Variants in NAALADL2 observed in about 807,000 individuals in gnomAD.
The protein encoded by NAALADL2 is N-acetylated alpha-linked acidic dipeptidase like 2.
NAALADL2 carries 76 observed loss-of-function variants against 87.2 expected under a neutral mutation model. That is an observed-to-expected ratio of 0.87 (90% confidence interval 0.72 to 1.05). The LOEUF (loss-of-function observed/expected upper bound fraction) is 1.05, where lower values mean the gene tolerates loss of function less well. NAALADL2 is among the 50% of genes least tolerant of loss of function. The probability of loss-of-function intolerance (pLI) is 0.00; values close to 1 mark genes in which losing one functional copy is unlikely to be tolerated. For synonymous variants in NAALADL2, 354 were observed against 331.0 expected (o/e 1.07, Z -0.75); for missense variants, 1,089 against 945.8 (o/e 1.15, Z -1.99).
At chr3:175,045,895 A>G (rs1754607105) in intron 1 of NAALADL2, among the ~76,000 whole-genome samples, 1 of 152,128 alleles carries the variant, frequency 6.6e-6, no homozygotes, top group African/African-American at 2.4e-5. Context: ...TTACTATTCG[A>G]GTATTCTTGG....
At chr3:175,118,094 A>G (rs145474909) in intron 2 of NAALADL2, among the ~76,000 whole-genome samples, 1 of 144,662 alleles carries the variant, frequency 6.9e-6, no homozygotes, top group Non-Finnish European at 1.5e-5. Flanking sequence ...GATGGGGAAC[A>G]TCACACACTG....
intron 3 of NAALADL2, among the ~76,000 whole-genome samples, chr3:174,748,004 C>T (rs1425528318): frequency 6.6e-6 from 1 of 152,098 alleles, no homozygotes; most frequent in Non-Finnish European, 1.5e-5. Flanking sequence ...AGATAATGTT[C>T]TTTGCAAGGA....
intron 1 of NAALADL2, among the ~76,000 whole-genome samples, chr3:175,066,536 G>C (rs944117168): frequency 6.6e-6 from 1 of 152,094 alleles, no homozygotes; most frequent in Non-Finnish European, 1.5e-5. Context: ...GCTTGTAACT[G>C]GAAAAGAGGG....
intron 2 of NAALADL2, among the ~76,000 whole-genome samples, chr3:174,563,184 T>C (rs1713833765): frequency 6.6e-6 from 1 of 151,884 alleles, no homozygotes; most frequent in African/African-American, 2.4e-5. Context: ...GATGAGTTTC[T>C]TGTTTATAAA....
At chr3:175,213,796 T>C (rs537807159) in intron 2 of NAALADL2, among the ~76,000 whole-genome samples, 42 of 152,098 alleles carry the variant, frequency 2.8e-4, no homozygotes, top group Non-Finnish European at 4.3e-4. Context: ...CCCACAATCA[T>C]TTAGTTAGTA....
At chr3:175,423,441 G>A (rs1318865644) in intron 5 of NAALADL2, among the ~76,000 whole-genome samples, 3 of 91,648 alleles carry the variant, frequency 3.3e-5, no homozygotes, top group Non-Finnish European at 6.0e-5. Context: ...AACAGGCCCC[G>A]GTGTGTGATG....
At chr3:175,282,911 C>CTT (rs77457477) in intron 4 of NAALADL2, among the ~76,000 whole-genome samples, 10,288 of 137,154 alleles carry the variant, frequency 0.075, 1,175 homozygotes, top group African/African-American at 0.26. Context: ...TTTCTGTCTT[C>CTT]TTTTTTTTTT....
chr3:175,074,125 A>G (rs11917725), intron 1 of NAALADL2, among the ~76,000 whole-genome samples: 30,772 of 151,856 alleles, frequency 0.2, 5,035 homozygotes, highest in African/African-American at 0.45. Context: ...TAGGTTCTCA[A>G]TAGCTGTTAA....
chr3:174,876,063 A>G (rs1728465092), intron 1 of NAALADL2, among the ~76,000 whole-genome samples: 1 of 152,142 alleles, frequency 6.6e-6, no homozygotes, highest in African/African-American at 2.4e-5. Flanking sequence ...GTTTATTTCC[A>G]TCATATCTAC....
chr3:174,947,765 CAT>C (rs1180574201), intron 1 of NAALADL2, among the ~76,000 whole-genome samples: 1 of 151,982 alleles, frequency 6.6e-6, no homozygotes, highest in Non-Finnish European at 1.5e-5. Context: ...TATACACACA[CAT>C]ACACATATGT....
intron 2 of NAALADL2, among the ~76,000 whole-genome samples, chr3:175,144,146 T>C (rs1394099338): frequency 1.3e-5 from 2 of 151,920 alleles, no homozygotes; most frequent in Admixed American, 1.3e-4. Flanking sequence ...TAAAGATGGC[T>C]ATAAAACACT....
intron 5 of NAALADL2, among the ~76,000 whole-genome samples, chr3:175,350,275 A>T (rs1440470027): frequency 6.6e-6 from 1 of 152,186 alleles, no homozygotes; most frequent in Admixed American, 6.6e-5. Context: ...CTCCTGTTGC[A>T]AACAATTTAT....
intron 9 of NAALADL2, among the ~76,000 whole-genome samples, chr3:175,531,999 A>G (rs1294504869): frequency 6.6e-6 from 1 of 152,176 alleles, no homozygotes; most frequent in Non-Finnish European, 1.5e-5. Flanking sequence ...GCAGCTCTAA[A>G]GGCTTCCATT....
At chr3:175,642,072 C>A (rs898784749) in intron 11 of NAALADL2, among the ~76,000 whole-genome samples, 1 of 152,142 alleles carries the variant, frequency 6.6e-6, no homozygotes, top group African/African-American at 2.4e-5. Context: ...CCTGAAAAGA[C>A]CCTCCCTGGG....
At chr3:175,174,203 T>G (rs771606396) in intron 2 of NAALADL2, among the ~76,000 whole-genome samples, 6 of 152,166 alleles carry the variant, frequency 3.9e-5, no homozygotes, top group Admixed American at 2.0e-4. Flanking sequence ...TAACAAATAT[T>G]TTAAAACCTT....
intron 5 of NAALADL2, among the ~76,000 whole-genome samples, chr3:175,359,070 A>T (rs931024340): frequency 1.3e-5 from 2 of 152,094 alleles, no homozygotes; most frequent in Non-Finnish European, 2.9e-5. Context: ...CATATTAAAA[A>T]TGTAGATTTA....
At chr3:175,027,851 G>A (rs1367788814) in intron 1 of NAALADL2, among the ~76,000 whole-genome samples, 1 of 151,642 alleles carries the variant, frequency 6.6e-6, no homozygotes, top group Non-Finnish European at 1.5e-5. Flanking sequence ...TTTCAGGTCT[G>A]ATCAGGCATT....
intron 4 of NAALADL2, among the ~76,000 whole-genome samples, chr3:175,294,900 C>G (rs1229573284): frequency 6.6e-6 from 1 of 152,180 alleles, no homozygotes; most frequent in Non-Finnish European, 1.5e-5. Context: ...GCAGTCCACC[C>G]TCTGCAGTCT....
intron 9 of NAALADL2, among the ~76,000 whole-genome samples, chr3:175,484,652 G>T (rs115987890): frequency 0.011 from 1,728 of 152,186 alleles, 36 homozygotes; most frequent in African/African-American, 0.04. Context: ...CAGACATTTT[G>T]TTTATATAAA....
Sources: gnomAD v4.1 joint callset for allele counts (sites outside exome capture counted in the v4.1 genomes callset) on GRCh38, gnomAD v4.1.1 for gene constraint, MANE v1.5 for transcripts, NCBI Gene and HGNC (gene_info 2026-07-23, HGNC 2026-07-21) for gene names.